STK40: variants seen among roughly 807,000 people sequenced by gnomAD.
STK40 encodes serine/threonine-protein kinase 40.
A neutral mutation model predicts 47.9 loss-of-function variants in STK40; 13 were observed. The observed-to-expected ratio is 0.27, with a 90% CI of 0.18 to 0.43. The LOEUF (loss-of-function observed/expected upper bound fraction) is 0.43, where lower values mean the gene tolerates loss of function less well. Among genes scored for constraint, STK40 ranks in the 20% least tolerant of loss-of-function variants. The pLI is 1.00. For synonymous variants in STK40, 225 were observed against 243.2 expected, an observed-to-expected ratio of 0.93 and a Z score of 0.69; for missense variants, 460 against 595.1, an observed-to-expected ratio of 0.77 and a Z score of 2.36.
intron 4 of STK40, among the ~76,000 whole-genome samples, chr1:36,357,313 C>T (rs1409585118): frequency 6.6e-6 from 1 of 152,248 alleles, no homozygotes; most frequent in Non-Finnish European, 1.5e-5. Context: ...CACTGTGTGC[C>T]TCTCAAACAG....
In STK40 at chr1:36,353,707, G is replaced by T. The variant is rs139093971; in HGVS notation, c.623+657C>A. ...CTGTGGGGGCACAAAGGCCAAGCGC[G>T]GGCCATCTGCAGGCCATCCCACTCT... On this transcript the variant is annotated intron_variant, in intron 6 of 10. Transcript: ENST00000373132. Among the ~76,000 whole-genome samples, 933 of 152,318 alleles carry T rather than the reference G, an allele frequency of 6.1e-3. 13 individuals are homozygous for T. The highest frequency in any genetic ancestry group is 0.021 in the African/African-American group (886 of 41,560).
At chr1:36,346,779 C>T (rs1190312429) in intron 7 of STK40, among the ~76,000 whole-genome samples, 1 of 152,248 alleles carries the variant, frequency 6.6e-6, no homozygotes, top group Admixed American at 6.5e-5. Context: ...GAGCCTCAGA[C>T]TGCAAATGAA....
intron 5 of STK40, among the ~76,000 whole-genome samples, chr1:36,354,791 G>A (rs1272954376): frequency 1.3e-5 from 2 of 152,100 alleles, no homozygotes; most frequent in African/African-American, 2.4e-5. Flanking sequence ...CCACAGGCTC[G>A]GCCCACAGAA....
chr1:36,343,380 G>C lies in STK40; in HGVS notation c.1073C>G (p.Ala358Gly). 1.9e-6 allele frequency: 3 copies of C among 1,613,116 alleles called. No homozygotes were observed. Reference sequence around the variant, plus strand: ...CCAACTCACCTCCTGGGAGCTATCCGCATTGCTCATTTGGTCATCAATGTC... The same window carrying C: ...CCAACTCACCTCCTGGGAGCTATCCCCATTGCTCATTTGGTCATCAATGTC... Reference protein sequence around the residue: ...VPDIDDQMSNADSSQEAKVTE... With the variant: ...VPDIDDQMSNGDSSQEAKVTE... The change falls in exon 10 of 11, where the codon GCG becomes GGG. Residue 358 changes from alanine to glycine, a missense_variant. Around this residue, in one of 3 missense-constraint regions of STK40, gnomAD observed 181 missense variants for 218.9 expected, o/e 0.83. Transcript: ENST00000373132.
intron 6 of STK40, among the ~76,000 whole-genome samples, chr1:36,352,967 C>T (rs1302760720): frequency 1.3e-5 from 2 of 152,204 alleles, no homozygotes; most frequent in African/African-American, 4.8e-5. Context: ...GGATCTGGAA[C>T]CCCCAGCAGT....
chr1:36,383,574 T>A (rs1370843670), intron 1 of STK40, among the ~76,000 whole-genome samples: 1 of 152,258 alleles, frequency 6.6e-6, no homozygotes, highest in African/African-American at 2.4e-5. Flanking sequence ...AGCCCTTCAG[T>A]CGCTCCTGTC....
chr1:36,341,641 T>A lies in STK40; in HGVS notation c.*114A>T. On this transcript the variant is annotated 3_prime_UTR_variant, in exon 11 of 11. Coordinates refer to ENST00000373132, the MANE Select transcript of STK40 (RefSeq NM_001282547.2). ...ACCTGGGCTGTCCCTGTCCCTGCCC[T>A]GTCCCTATTGTGGCCCGGGAGAGTC... The A allele has an allele frequency of 7.6e-7, 1 of 1,315,990 alleles. No homozygotes were observed. Among genetic ancestry groups the A allele is most frequent in the South Asian group, 1.4e-5 (1 of 73,782 alleles). 81.5% of individuals were successfully genotyped at this position (1,315,990 alleles called of 1,614,324 possible).
intron 1 of STK40, chr1:36,367,894 G>C (rs1011846407): frequency 1.0e-6 from 1 of 985,398 alleles, no homozygotes; most frequent in Non-Finnish European, 1.2e-6. Context: ...GAGTCCGCCA[G>C]CCTCCCTGAA....
intron 1 of STK40, among the ~76,000 whole-genome samples, chr1:36,378,993 C>T (rs547179520): frequency 6.6e-6 from 1 of 152,182 alleles, no homozygotes; most frequent in African/African-American, 2.4e-5. Flanking sequence ...AGGCGCTGAA[C>T]CGAGCTTCTC....
chr1:36,355,054 C>G, intron 5 of STK40, 152 bp downstream of exon 5: 1 of 793,582 alleles, frequency 1.3e-6, no homozygotes, highest in Non-Finnish European at 2.0e-6. Context: ...TGTGCCTCAC[C>G]CTGTGCACCT....
intron 1 of STK40, among the ~76,000 whole-genome samples, chr1:36,363,525 A>C (rs1413465953): frequency 1.3e-5 from 2 of 152,010 alleles, no homozygotes; most frequent in Non-Finnish European, 2.9e-5. Flanking sequence ...AAAAAGAATT[A>C]GCCGGGCGCA....
chr1:36,367,841 CA>C (rs1646914927), intron 1 of STK40: 2 of 985,610 alleles, frequency 2.0e-6, no homozygotes, highest in South Asian at 4.7e-5. Flanking sequence ...CACATGCTGG[CA>C]ATTACCTACT....
Position 36,385,882 on chromosome 1 carries a change from G to GCCGCCT in STK40, c.-169_-168insAGGCGG, listed in dbSNP as rs1351805615. 2 of 177,746 alleles carry GCCGCCT rather than the reference G, an allele frequency of 1.1e-5. No individual in the cohort carries two copies. The highest frequency in any genetic ancestry group is 4.8e-5 in the African/African-American group (2 of 41,602). 11.0% of individuals were successfully genotyped at this position (177,746 alleles called of 1,614,324 possible). Reference sequence around the variant, plus strand: ...CCGAGCCGCCGCCGCCGCCGCCGCCGCCTCCCTCCATGGCTGCGGCGCCGC... The same window carrying GCCGCCT: ...CCGAGCCGCCGCCGCCGCCGCCGCCGCCGCCTCCTCCCTCCATGGCTGCGGCGCCGC... On this transcript the variant is annotated 5_prime_UTR_variant, in exon 1 of 11. Transcript: ENST00000373132.
intron 7 of STK40, among the ~76,000 whole-genome samples, chr1:36,348,236 C>T (rs1373073342): frequency 6.6e-6 from 1 of 152,272 alleles, no homozygotes; most frequent in Non-Finnish European, 1.5e-5. Context: ...AGGCCTATGT[C>T]AGGCCTTGCC....
At chr1:36,375,594 C>T (rs1001014279) in intron 1 of STK40, among the ~76,000 whole-genome samples, 3 of 152,174 alleles carry the variant, frequency 2.0e-5, no homozygotes, top group Admixed American at 6.5e-5. Flanking sequence ...CAGGCCAGAC[C>T]TAGGTGCTGC....
Position 36,354,348 on chromosome 1 carries a change from G to A in STK40, c.623+16C>T, listed in dbSNP as rs1646783990. 6.2e-7 allele frequency: 1 copy of A among 1,613,736 alleles called. No individual in the cohort carries two copies. Among genetic ancestry groups the A allele is most frequent in the African/African-American group, 1.3e-5 (1 of 74,914 alleles). ...GCCCCGGGGTAACTGTATGGATGTA[G>A]AGACAGGGATCTTACCTCTTGTTGA... On this transcript the variant is annotated intron_variant, in intron 6 of 10. Coordinates refer to ENST00000373132, the MANE Select transcript of STK40 (RefSeq NM_001282547.2).
rs1557502603 is a variant in STK40, at chr1:36,341,988, G to A, written c.1090-15C>T. On this transcript the variant is annotated splice_polypyrimidine_tract_variant and intron_variant, in intron 10 of 10. Coordinates refer to ENST00000373132, the MANE Select transcript of STK40 (RefSeq NM_001282547.2). The stretch of plus-strand genomic sequence containing the variant: ...GTCACCTTCGCCTTTGAGGCGGGGA[G>A]GGTGGGAAGGAGACAAAGATAAACC... 1.2e-6 allele frequency: 2 copies of A among 1,603,038 alleles called. No individual in the cohort carries two copies. Among genetic ancestry groups the A allele is most frequent in the Non-Finnish European group, 1.7e-6 (2 of 1,173,720 alleles).
Position 36,344,272 on chromosome 1 carries a change from C to T in STK40, c.740-8G>A, listed in dbSNP as rs369007188. ...TGCCACGGTACGGCCGGCCTACGGG[C>T]ACACACATACCACACTGTCTTCAGG... On this transcript the variant is annotated splice_region_variant and splice_polypyrimidine_tract_variant and intron_variant, in intron 7 of 10. Transcript: ENST00000373132. The T allele has an allele frequency of 1.7e-4, 264 of 1,588,696 alleles. No homozygotes were observed. The highest frequency in any genetic ancestry group is 2.2e-4 in the Non-Finnish European group (256 of 1,167,784).
chr1:36,384,967 C>A (rs908506328), intron 1 of STK40, among the ~76,000 whole-genome samples: 2 of 152,344 alleles, frequency 1.3e-5, no homozygotes, highest in African/African-American at 4.8e-5. Flanking sequence ...TAAAACAGAG[C>A]AAAGTCTATC....
Sources: allele counts gnomAD v4.1 joint callset (sites outside exome capture counted in the v4.1 genomes callset), GRCh38; gene constraint gnomAD v4.1.1; regional missense constraint gnomAD v4.1.1; transcripts MANE v1.5; gene names NCBI Gene and HGNC (gene_info 2026-07-23, HGNC 2026-07-21).